RXFP1: variants seen among roughly 807,000 people sequenced by gnomAD.
RXFP1 encodes relaxin family peptide receptor 1, also known as relaxin receptor 1.
RXFP1 carries 73 observed loss-of-function variants against 89.8 expected under a neutral mutation model. The observed-to-expected ratio is 0.81, with a 90% CI of 0.67 to 0.99. The LOEUF (loss-of-function observed/expected upper bound fraction) is 0.99, where lower values mean the gene tolerates loss of function less well. Ranked by LOEUF, RXFP1 falls within the 50% of genes least tolerant of loss-of-function variation. RXFP1 has a pLI of 0.00. For synonymous variants in RXFP1, 277 were observed against 305.5 expected, an observed-to-expected ratio of 0.91 and a Z score of 0.97; for missense variants, 793 against 895.5, an observed-to-expected ratio of 0.89 and a Z score of 1.46.
chr4:158,603,994 T>C (rs1762155048), intron 4 of RXFP1, among the ~76,000 whole-genome samples: 1 of 151,310 alleles, frequency 6.6e-6, no homozygotes, highest in Non-Finnish European at 1.5e-5. Context: ...GATTTTTTTT[T>C]TCTTAAGAAC....
intron 1 of RXFP1, among the ~76,000 whole-genome samples, chr4:158,545,446 T>A (rs962077646): frequency 6.6e-6 from 1 of 152,232 alleles, no homozygotes; most frequent in African/African-American, 2.4e-5. Context: ...AGAAGCTCTT[T>A]AGTTTAATTA....
chr4:158,538,804 CAAAA>C (rs10603295), intron 1 of RXFP1, among the ~76,000 whole-genome samples: 452 of 85,062 alleles, frequency 5.3e-3, no homozygotes, highest in African/African-American at 9.8e-3. Context: ...AATGCCGTCT[CAAAA>C]AAAAAAAAAA....
In RXFP1 at chr4:158,591,305, C is replaced by G. The variant is rs189190719; in HGVS notation, c.188-2096C>G. ...GCCGACTCTTTCAAATTTCCTTCTC[C>G]TACTCCTGTTTCTCTGCCTAACATA... On this transcript the variant is annotated intron_variant, in intron 2 of 17. Coordinates refer to ENST00000307765, the MANE Select transcript of RXFP1 (RefSeq NM_021634.4). 7.9e-5 allele frequency among the ~76,000 whole-genome samples: 12 copies of G among 152,284 alleles called. No individual in the cohort carries two copies. The East Asian group carries it at 1.5e-3, about 20-fold the overall frequency.
chr4:158,532,547 G>A (rs536172285), intron 1 of RXFP1, among the ~76,000 whole-genome samples: 1 of 152,196 alleles, frequency 6.6e-6, no homozygotes, highest in African/African-American at 2.4e-5. Context: ...AATTGAGGAG[G>A]CAGGTAGAGA....
chr4:158,583,767 C>G (rs1230159292), intron 2 of RXFP1, among the ~76,000 whole-genome samples: 1 of 152,194 alleles, frequency 6.6e-6, no homozygotes, highest in South Asian at 2.1e-4. Flanking sequence ...AGATTTTCCT[C>G]TCAGAACACT....
intron 1 of RXFP1, among the ~76,000 whole-genome samples, chr4:158,556,261 C>A (rs896517177): frequency 6.7e-6 from 1 of 150,284 alleles, no homozygotes. Context: ...GGACAAAAGA[C>A]CTTAATGGAT....
intron 2 of RXFP1, among the ~76,000 whole-genome samples, chr4:158,582,395 G>A (rs1757542345): frequency 6.6e-6 from 1 of 152,152 alleles, no homozygotes; most frequent in Non-Finnish European, 1.5e-5. Flanking sequence ...AGGACATTGT[G>A]TGGGGGTTCT....
chr4:158,648,540 G>A lies in RXFP1; in HGVS notation c.1798G>A (p.Gly600Arg). 6.2e-7 allele frequency: 1 copy of A among 1,608,632 alleles called. No homozygotes were observed. Reference sequence around the variant, plus strand: ...ATTTATCATCATAGTTTTTTCCTATGGAAGCATGTTTTATAGTGTTCATCA... The same window carrying A: ...ATTTATCATCATAGTTTTTTCCTATAGAAGCATGTTTTATAGTGTTCATCA... Reference protein sequence around the residue: ...AAFIIIVFSYGSMFYSVHQSA... With the variant: ...AAFIIIVFSYRSMFYSVHQSA... The change falls in exon 17 of 18, where the codon GGA (glycine) becomes AGA (arginine). Residue 600 changes from glycine to arginine, a missense_variant. Physicochemically the swap from Gly to Arg is moderately radical, Grantham distance 125. Coordinates refer to ENST00000307765, the MANE Select transcript of RXFP1 (RefSeq NM_021634.4).
intron 4 of RXFP1, among the ~76,000 whole-genome samples, chr4:158,603,473 G>A (rs1762040947): frequency 6.6e-6 from 1 of 152,086 alleles, no homozygotes; most frequent in African/African-American, 2.4e-5. Context: ...GCCATTAAGT[G>A]TCTGATATGT....
intron 15 of RXFP1, among the ~76,000 whole-genome samples, chr4:158,645,551 C>T (rs79804641): frequency 0.037 from 5,616 of 152,218 alleles, 157 homozygotes; most frequent in Non-Finnish European, 0.055. Context: ...TACATGTTTT[C>T]CTGATCTCTG....
chr4:158,647,872 C>T lies in RXFP1; in HGVS notation c.1757-627C>T, dbSNP rs183424121. Among the ~76,000 whole-genome samples the T allele has an allele frequency of 1.2e-3, 189 of 152,154 alleles. 2 individuals are homozygous for T. Among genetic ancestry groups the T allele is most frequent in the Non-Finnish European group, 1.3e-3 (85 of 67,994 alleles). On this transcript the variant is annotated intron_variant, in intron 16 of 17. Transcript: ENST00000307765. Reference sequence around the variant, plus strand: ...CTCTACTAAAAATAGAAAAATTAGCCGGGCATGGTGGCACGCACCTGTAGT... The same window carrying T: ...CTCTACTAAAAATAGAAAAATTAGCTGGGCATGGTGGCACGCACCTGTAGT...
Position 158,572,696 on chromosome 4 carries a change from A to AT in RXFP1, c.50-2_50-1insT. 6.2e-7 allele frequency: 1 copy of AT among 1,614,098 alleles called. No individual in the cohort carries two copies. The highest frequency in any genetic ancestry group is 1.3e-5 in the African/African-American group (1 of 75,046). On this transcript the variant is annotated splice_acceptor_variant, in intron 1 of 17. Coordinates refer to ENST00000307765, the MANE Select transcript of RXFP1 (RefSeq NM_021634.4). LOFTEE classifies it high-confidence loss of function. The stretch of plus-strand genomic sequence containing the variant: ...CTTTGTGTCTTCTCCCCTTTTCCTC[A>AT]GTTTCTCATGGGGGTGGACAGGATG...
rs369652978 is a variant in RXFP1, at chr4:158,582,576, T to C, written c.187+9741T>C. 2.8e-3 allele frequency among the ~76,000 whole-genome samples: 434 copies of C among 152,290 alleles called. 19 individuals carry two copies. In the South Asian group the frequency reaches 0.087, roughly 31 times the overall value. On this transcript the variant is annotated intron_variant, in intron 2 of 17. Transcript: ENST00000307765. Reference sequence around the variant, plus strand: ...CACTCTGGGGCTCACAGGAAACATTTAGTACACCTGAGCCAGGCTGAGCCC... The same window carrying C: ...CACTCTGGGGCTCACAGGAAACATTCAGTACACCTGAGCCAGGCTGAGCCC...
Position 158,652,184 on chromosome 4 carries a change from G to T in RXFP1, c.*129G>T. 1 of 745,064 alleles carries T rather than the reference G, an allele frequency of 1.3e-6. No homozygotes were observed. Among genetic ancestry groups the T allele is most frequent in the South Asian group, 2.6e-5 (1 of 37,960 alleles). 46.2% of individuals were successfully genotyped at this position (745,064 alleles called of 1,614,324 possible). ...TAAGATAAATATTTTACAAGGACAT[G>T]AGGAAAAATAAAAATGACTAATGCT... On this transcript the variant is annotated 3_prime_UTR_variant, in exon 18 of 18. Coordinates refer to ENST00000307765, the MANE Select transcript of RXFP1 (RefSeq NM_021634.4).
At chr4:158,542,109 A>ATATATATGTTTT in intron 1 of RXFP1, among the ~76,000 whole-genome samples, 1 of 35,254 alleles carries the variant, frequency 2.8e-5, no homozygotes, top group Non-Finnish European at 5.6e-5. Flanking sequence ...ATATATATAT[A>ATATATATGTTTT]TTTTTTTTTT....
chr4:158,632,767 G>T (rs1768326160), intron 11 of RXFP1, among the ~76,000 whole-genome samples: 2 of 152,110 alleles, frequency 1.3e-5, no homozygotes, highest in South Asian at 4.2e-4. Context: ...CTAAGCGGAA[G>T]AAAAAAATTA....
intron 11 of RXFP1, among the ~76,000 whole-genome samples, chr4:158,630,845 G>C (rs1331897415): frequency 6.6e-6 from 1 of 152,156 alleles, no homozygotes; most frequent in Non-Finnish European, 1.5e-5. Flanking sequence ...ACTACACTCT[G>C]TGCCCCTCCA....
intron 17 of RXFP1, 76 bp from the exon 18 acceptor site, chr4:158,651,681 A>G (rs1772756342): frequency 3.4e-6 from 4 of 1,183,998 alleles, no homozygotes; most frequent in Non-Finnish European, 4.7e-6. Context: ...GTTGGGATGA[A>G]AGAAACAGGG....
chr4:158,581,967 A>G (rs1455796417), intron 2 of RXFP1, among the ~76,000 whole-genome samples: 1 of 152,162 alleles, frequency 6.6e-6, no homozygotes, highest in Non-Finnish European at 1.5e-5. Flanking sequence ...AGAGGAAGCA[A>G]GAGAGAGGAG....
Sources: allele counts gnomAD v4.1 joint callset (sites outside exome capture counted in the v4.1 genomes callset), GRCh38; gene constraint gnomAD v4.1.1; transcripts MANE v1.5; gene names NCBI Gene and HGNC (gene_info 2026-07-23, HGNC 2026-07-21).